Variants in CDH13 observed in about 807,000 individuals in gnomAD.
CDH13 encodes cadherin-13.
CDH13 carries 24 observed loss-of-function variants against 63.8 expected under a neutral mutation model. The observed-to-expected ratio is 0.38, with a 90% confidence interval of 0.27 to 0.53. The LOEUF is 0.53. CDH13 is among the 20% of genes least tolerant of loss of function. The probability of loss-of-function intolerance (pLI) is 0.85; values close to 1 mark genes in which losing one functional copy is unlikely to be tolerated. For synonymous variants in CDH13, 503 were observed against 355.3 expected (o/e 1.42, Z -4.67); for missense variants, 1,049 against 903.1 (o/e 1.16, Z -2.07).
At chr16:82,928,546 AC>A (rs996385316) in intron 2 of CDH13, among the ~76,000 whole-genome samples, 15 of 152,256 alleles carry the variant, frequency 9.9e-5, no homozygotes, top group Non-Finnish European at 2.1e-4. Context: ...CCTTTGGGCA[AC>A]ATAGAATATT....
intron 7 of CDH13, among the ~76,000 whole-genome samples, chr16:83,542,888 C>T (rs1403153812): frequency 6.6e-6 from 1 of 152,206 alleles, no homozygotes; most frequent in Admixed American, 6.5e-5. Flanking sequence ...TCTACAAAGA[C>T]TTCACTTTCA....
At chr16:83,258,587 G>A (rs73593971) in intron 5 of CDH13, among the ~76,000 whole-genome samples, 1,791 of 152,202 alleles carry the variant, frequency 0.012, 33 homozygotes, top group African/African-American at 0.04. Context: ...TGTGCACTGC[G>A]GACCATTGGC....
intron 2 of CDH13, chr16:82,859,167 T>C (rs2039826355): frequency 6.6e-6 from 1 of 152,212 alleles, no homozygotes; most frequent in Admixed American, 6.5e-5. Flanking sequence ...GCAATAGAAT[T>C]TAAAATTGGT....
chr16:83,164,996 C>T (rs958349968), intron 4 of CDH13, among the ~76,000 whole-genome samples: 1 of 151,590 alleles, frequency 6.6e-6, no homozygotes, highest in African/African-American at 2.4e-5. Context: ...GGCTCCAAAA[C>T]CTTGCAGTTG....
intron 1 of CDH13, among the ~76,000 whole-genome samples, chr16:82,802,827 C>G (rs1039540981): frequency 4.6e-5 from 7 of 152,204 alleles, no homozygotes; most frequent in African/African-American, 1.7e-4. Flanking sequence ...TACCAAGGAG[C>G]AAACTTCAGC....
At chr16:83,186,153 T>TTATTTTATTTTATTTTATTTTA (rs2038516548) in intron 4 of CDH13, among the ~76,000 whole-genome samples, 1 of 142,198 alleles carries the variant, frequency 7.0e-6, no homozygotes, top group Admixed American at 7.2e-5. Flanking sequence ...TTATTTTATT[T>TTATTTTATTTTATTTTATTTTA]GAGACAGAAT....
intron 2 of CDH13, among the ~76,000 whole-genome samples, chr16:82,999,206 C>T (rs1912589396): frequency 1.3e-5 from 2 of 152,028 alleles, no homozygotes; most frequent in South Asian, 2.1e-4. Context: ...TTTCAACTTC[C>T]TTATTGTAGA....
In CDH13 at chr16:83,775,513, A is replaced by G. The variant is rs112571041; in HGVS notation, c.1682-4455A>G. On this transcript the variant is annotated intron_variant, in intron 11 of 13. Coordinates refer to ENST00000567109, the MANE Select transcript of CDH13 (RefSeq NM_001257.5). ...GACTTCTCTGATCCTTAAAATGGCT[A>G]CCATGAGAACATGGCCCCTGGGCTC... Among the ~76,000 whole-genome samples, 1,294 of 152,252 alleles carry G rather than the reference A, an allele frequency of 8.5e-3. 15 individuals carry two copies. Among genetic ancestry groups the G allele is most frequent in the African/African-American group, 0.03 (1,227 of 41,558 alleles).
intron 6 of CDH13, among the ~76,000 whole-genome samples, chr16:83,445,501 G>C (rs765746070): frequency 1.3e-5 from 2 of 152,090 alleles, no homozygotes; most frequent in Admixed American, 1.3e-4. Context: ...CTGCAGGGTG[G>C]AGGAAGCCAA....
intron 3 of CDH13, among the ~76,000 whole-genome samples, chr16:83,080,503 C>T (rs546133334): frequency 4.1e-4 from 63 of 152,158 alleles, no homozygotes; most frequent in Non-Finnish European, 7.6e-4. Context: ...ACTTTGCATG[C>T]ACTGTGACTA....
At chr16:83,054,334 G>A (rs1301278975) in intron 3 of CDH13, among the ~76,000 whole-genome samples, 1 of 152,164 alleles carries the variant, frequency 6.6e-6, no homozygotes, top group Non-Finnish European at 1.5e-5. Flanking sequence ...TAGTAAAATA[G>A]AACAATTACA....
At chr16:83,000,243 T>A (rs1912742116) in intron 2 of CDH13, among the ~76,000 whole-genome samples, 1 of 121,026 alleles carries the variant, frequency 8.3e-6, no homozygotes, top group East Asian at 2.3e-4. Context: ...TTTTTTTTTT[T>A]TTTTTTTTTT....
At chr16:82,794,020 A>T (rs563676584) in intron 1 of CDH13, among the ~76,000 whole-genome samples, 51 of 152,024 alleles carry the variant, frequency 3.4e-4, no homozygotes, top group Non-Finnish European at 1.8e-4. Context: ...TCCCTGCTGG[A>T]GGAAAGCAGA....
intron 10 of CDH13, among the ~76,000 whole-genome samples, chr16:83,723,312 A>G (rs763648504): frequency 3.9e-5 from 6 of 152,168 alleles, no homozygotes; most frequent in Non-Finnish European, 8.8e-5. Context: ...TAGAGAAGTA[A>G]AAGCTTGGAA....
At chr16:83,066,974 AT>A (rs1298102256) in intron 3 of CDH13, among the ~76,000 whole-genome samples, 5 of 152,084 alleles carry the variant, frequency 3.3e-5, no homozygotes, top group Non-Finnish European at 5.9e-5. Context: ...TGCTTCAGCA[AT>A]TTTTCCTGCC....
chr16:83,422,542 A>G (rs937252338), intron 6 of CDH13, among the ~76,000 whole-genome samples: 8 of 152,232 alleles, frequency 5.3e-5, no homozygotes, highest in Non-Finnish European at 1.2e-4. Context: ...ATTAATACTT[A>G]CGATAAATGT....
intron 7 of CDH13, among the ~76,000 whole-genome samples, chr16:83,554,249 C>A (rs2075562253): frequency 6.6e-6 from 1 of 150,926 alleles, no homozygotes; most frequent in Non-Finnish European, 1.5e-5. Context: ...GGAGGAGAGC[C>A]AAAATTTGAA....
At chr16:83,543,205 A>G (rs145808996) in intron 7 of CDH13, among the ~76,000 whole-genome samples, 1 of 152,198 alleles carries the variant, frequency 6.6e-6, no homozygotes, top group African/African-American at 2.4e-5. Flanking sequence ...TATTTTCCTG[A>G]TGTTGCCAGA....
At chr16:83,031,273 TGTATACACCATATACATGC>T (rs1388897437) in intron 2 of CDH13, among the ~76,000 whole-genome samples, 104 of 146,532 alleles carry the variant, frequency 7.1e-4, no homozygotes, top group Middle Eastern at 3.5e-3. Context: ...TACATGCGCA[TGTATACACCATATACATGC>T]GCATGTATCC....
Sources: gnomAD v4.1 joint callset for allele counts (sites outside exome capture counted in the v4.1 genomes callset) on GRCh38, gnomAD v4.1.1 for gene constraint, MANE v1.5 for transcripts, NCBI Gene and HGNC (gene_info 2026-07-23, HGNC 2026-07-21) for gene names.